The following AMBRA1 variants were observed in gnomAD, a reference collection of about 807,000 sequenced individuals.
AMBRA1 encodes activating molecule in BECN1-regulated autophagy protein 1.
Under a neutral mutation model 125.4 loss-of-function variants are expected in AMBRA1, and 47 were observed. The ratio of observed to expected loss-of-function variants is 0.37; its 90% CI spans 0.30 to 0.48. The LOEUF is 0.48. Ranked by LOEUF, AMBRA1 falls within the 20% of genes least tolerant of loss-of-function variation. AMBRA1 has a pLI of 0.99. For missense variants in AMBRA1, 1,331 were observed against 1,693.4 expected, an observed-to-expected ratio of 0.79 and a Z score of 3.76; for synonymous variants, 626 against 655.5, an observed-to-expected ratio of 0.95 and a Z score of 0.69.
chr11:46,586,859 CAA>C (rs1205457668), intron 1 of AMBRA1, among the ~76,000 whole-genome samples: 3 of 151,898 alleles, frequency 2.0e-5, no homozygotes, highest in African/African-American at 7.3e-5. Flanking sequence ...TGCTGCTATT[CAA>C]AAGTCTGGGG....
At chr11:46,520,598 CT>C (rs148775052) in intron 7 of AMBRA1, among the ~76,000 whole-genome samples, 300 of 140,368 alleles carry the variant, frequency 2.1e-3, no homozygotes, top group Admixed American at 6.1e-3. Flanking sequence ...TTTTTCTTTT[CT>C]TTTTTTTTTT....
intron 10 of AMBRA1, 55 bp from the exon 11 acceptor site, chr11:46,493,763 A>G: frequency 7.2e-7 from 1 of 1,384,436 alleles, no homozygotes; most frequent in Non-Finnish European, 9.9e-7. Flanking sequence ...CGAAACAGAT[A>G]CTAACTACCT....
intron 1 of AMBRA1, among the ~76,000 whole-genome samples, chr11:46,555,157 T>C (rs2043127198): frequency 6.6e-6 from 1 of 152,154 alleles, no homozygotes; most frequent in Admixed American, 6.5e-5. Flanking sequence ...CCCAATAACA[T>C]GACTGAGTAC....
chr11:46,433,783 A>G (rs567423066), intron 13 of AMBRA1, among the ~76,000 whole-genome samples, 155 bp from the exon 14 acceptor site: 56 of 152,214 alleles, frequency 3.7e-4, no homozygotes, highest in Non-Finnish European at 6.6e-4. Flanking sequence ...TATGATGAGA[A>G]GGCATATACA....
chr11:46,414,593 C>T (rs1225105577), intron 15 of AMBRA1, among the ~76,000 whole-genome samples: 6 of 152,216 alleles, frequency 3.9e-5, no homozygotes, highest in Non-Finnish European at 8.8e-5. Flanking sequence ...CGGAAGTAAG[C>T]AAGCACCCCC....
At chr11:46,562,253 A>T (rs2043363371) in intron 1 of AMBRA1, among the ~76,000 whole-genome samples, 2 of 152,204 alleles carry the variant, frequency 1.3e-5, no homozygotes. Context: ...GAGGAGTACC[A>T]AGTACTAAGG....
At chr11:46,489,037 G>C (rs1950369280) in intron 11 of AMBRA1, among the ~76,000 whole-genome samples, 1 of 152,166 alleles carries the variant, frequency 6.6e-6, no homozygotes, top group South Asian at 2.1e-4. Flanking sequence ...AGAGTAGCTG[G>C]GACTACAGGC....
intron 11 of AMBRA1, among the ~76,000 whole-genome samples, chr11:46,448,892 A>T (rs1948443003): frequency 6.6e-6 from 1 of 152,230 alleles, no homozygotes; most frequent in Non-Finnish European, 1.5e-5. Flanking sequence ...TACAATTTAC[A>T]CAAGAGACAA....
chr11:46,469,656 T>C (rs1427444187), intron 11 of AMBRA1, among the ~76,000 whole-genome samples: 1 of 152,034 alleles, frequency 6.6e-6, no homozygotes, highest in Non-Finnish European at 1.5e-5. Context: ...TAGCAACATA[T>C]ATTTCTTTCT....
intron 15 of AMBRA1, 39 bp from the exon 16 acceptor site, chr11:46,410,407 G>A: frequency 1.3e-6 from 2 of 1,563,014 alleles, no homozygotes; most frequent in East Asian, 2.2e-5. Flanking sequence ...GAAGGTGAAA[G>A]GCATTAGAGA....
At chr11:46,419,991 T>A (rs1194988246) in intron 14 of AMBRA1, among the ~76,000 whole-genome samples, 12 of 1,556 alleles carry the variant, frequency 7.7e-3, no homozygotes, top group African/African-American at 0.014. Flanking sequence ...GCACGTGTCC[T>A]CAATACACAC....
chr11:46,478,424 C>T (rs1376854296), intron 11 of AMBRA1, among the ~76,000 whole-genome samples: 1 of 152,162 alleles, frequency 6.6e-6, no homozygotes, highest in East Asian at 1.9e-4. Flanking sequence ...AGGGGCCCAA[C>T]CACCCACAGA....
intron 14 of AMBRA1, among the ~76,000 whole-genome samples, chr11:46,432,740 T>C (rs754267537): frequency 6.6e-6 from 1 of 152,210 alleles, no homozygotes; most frequent in Non-Finnish European, 1.5e-5. Context: ...CACAAAGTAC[T>C]AAGGAAATTC....
At chr11:46,517,785 C>A (rs1347599339) in intron 7 of AMBRA1, among the ~76,000 whole-genome samples, 4 of 144,408 alleles carry the variant, frequency 2.8e-5, no homozygotes, top group African/African-American at 1.0e-4. Context: ...GAGCCAAGAT[C>A]GCGCCACTGC....
intron 11 of AMBRA1, among the ~76,000 whole-genome samples, chr11:46,479,863 C>T (rs1949987199): frequency 6.6e-6 from 1 of 152,090 alleles, no homozygotes; most frequent in African/African-American, 2.4e-5. Flanking sequence ...CAAGCAGAAA[C>T]TTAGTGGCTT....
At chr11:46,414,805 G>T (rs1156331667) in intron 15 of AMBRA1, among the ~76,000 whole-genome samples, 5 of 152,316 alleles carry the variant, frequency 3.3e-5, no homozygotes, top group African/African-American at 1.2e-4. Context: ...TGACTGGCCA[G>T]TTGTTTGTCT....
At chr11:46,536,731 C>T (rs950043180) in intron 7 of AMBRA1, among the ~76,000 whole-genome samples, 1 of 152,252 alleles carries the variant, frequency 6.6e-6, no homozygotes, top group African/African-American at 2.4e-5. Flanking sequence ...GTGTGGTGGC[C>T]CACGAAGCCT....
chr11:46,548,312 C>T lies in AMBRA1; in HGVS notation c.69G>A (p.Met23Ile), dbSNP rs766252820. The T allele has an allele frequency of 6.2e-7, 1 of 1,614,200 alleles. No individual in the cohort carries two copies. Among genetic ancestry groups the T allele is most frequent in the Non-Finnish European group, 8.5e-7 (1 of 1,180,036 alleles). ...LWGRERGARA[M>I]GAQRLLQELV... ...GCTCCTGCAGAAGCCGCTGAGCTCC[C>T]ATGGCCCGAGCACCCCGTTCTCGCC... The change falls in exon 2 of 18, where the codon ATG becomes ATA. Residue 23 changes from methionine to isoleucine, a missense_variant. By Grantham distance (10) the Met-to-Ile change is conservative. This residue lies in a region of AMBRA1 where 144 missense variants were observed against 250.4 expected (regional missense o/e 0.58). Coordinates refer to ENST00000683756, the MANE Select transcript of AMBRA1 (RefSeq NM_001387011.1).
intron 14 of AMBRA1, among the ~76,000 whole-genome samples, chr11:46,423,217 C>T (rs1946933193): frequency 6.6e-6 from 1 of 152,096 alleles, no homozygotes; most frequent in Non-Finnish European, 1.5e-5. Flanking sequence ...ATCTTTTCTT[C>T]TTTTCCAGCT....
Sources: allele counts gnomAD v4.1 joint callset (sites outside exome capture counted in the v4.1 genomes callset), GRCh38; gene constraint gnomAD v4.1.1; regional missense constraint gnomAD v4.1.1; transcripts MANE v1.5; gene names NCBI Gene and HGNC (gene_info 2026-07-23, HGNC 2026-07-21).